The following IREB2 variants were observed in gnomAD, a reference collection of about 807,000 sequenced individuals.
IREB2 encodes iron-responsive element-binding protein 2.
A neutral mutation model predicts 118.8 loss-of-function variants in IREB2; 39 were observed. The observed-to-expected ratio is 0.33, with a 90% CI of 0.25 to 0.43. The LOEUF is 0.43. IREB2 is among the 20% of genes least tolerant of loss of function. The pLI, the probability that IREB2 is intolerant of heterozygous loss-of-function variation, is 1.00. For missense variants in IREB2, 900 were observed against 1,147.3 expected (o/e 0.78, Z 3.11); for synonymous variants, 372 against 392.2 (o/e 0.95, Z 0.61).
intron 10 of IREB2, among the ~76,000 whole-genome samples, chr15:78,478,845 G>A (rs1298092104): frequency 1.3e-5 from 2 of 152,172 alleles, no homozygotes; most frequent in African/African-American, 4.8e-5. Context: ...TGTTAGATAT[G>A]ACAATATCTA....
At chr15:78,438,131 T>C (rs1373336648), upstream of IREB2, 2 of 569,498 alleles carry the variant, frequency 3.5e-6, no homozygotes, top group South Asian at 2.1e-5. Context: ...TTTGTTTTCC[T>C]GTCCGACGAT....
chr15:78,497,065 A>T, intron 20 of IREB2, 61 bp from the exon 21 acceptor site: 1 of 1,375,584 alleles, frequency 7.3e-7, no homozygotes, highest in Non-Finnish European at 1.0e-6. Flanking sequence ...TGCCCCCTTT[A>T]AATGCTCAAT....
chr15:78,491,438 ATGC>A (rs2051748561), intron 18 of IREB2, among the ~76,000 whole-genome samples: 1 of 152,120 alleles, frequency 6.6e-6, no homozygotes, highest in Non-Finnish European at 1.5e-5. Flanking sequence ...TGCTTGTTTG[ATGC>A]TTGAGTAATT....
In IREB2 at chr15:78,438,278, C is replaced by A; in HGVS notation, c.-60C>A. The A allele has an allele frequency of 1.5e-6, 2 of 1,363,596 alleles. No homozygotes were observed. The highest frequency in any genetic ancestry group is 1.2e-5 in the South Asian group (1 of 80,752). 84.5% of individuals were successfully genotyped at this position (1,363,596 alleles called of 1,614,324 possible). A position where few individuals can be genotyped will look rare whatever the true frequency, so the allele number is the denominator to read the frequency against. ...TGTCTTCCTCCCCGTCTTCCCTGCC[C>A]GGCCTCCCCCTTCTTCCCCCGCTGG... On this transcript the variant is annotated 5_prime_UTR_variant, in exon 1 of 22. Transcript: ENST00000258886.
In IREB2 at chr15:78,470,556, A is replaced by G. The variant is rs745636886; in HGVS notation, c.654A>G (p.Gln218=). Residue 218 remains glutamine, a synonymous_variant, in exon 6 of 22, where the codon CAA becomes CAG. Transcript: ENST00000258886. ...VPEPETVLKN[Q]EVEFGRNRER... is the part of the protein sequence containing the mutation. ...GACCTGAAACAGTGTTAAAAAATCA[A>G]GAAGTAGAATTCGGCAGAAATCGAG... The G allele has an allele frequency of 3.1e-6, 5 of 1,596,208 alleles. No homozygotes were observed. Among genetic ancestry groups the G allele is most frequent in the Non-Finnish European group, 4.3e-6 (5 of 1,168,160 alleles).
chr15:78,497,923 CAG>C (rs1216674929), intron 21 of IREB2, 108 bp from the exon 22 acceptor site: 6 of 606,786 alleles, frequency 9.9e-6, no homozygotes, highest in African/African-American at 3.8e-5. Flanking sequence ...ATAAATCAGA[CAG>C]AATCTGTGGC....
chr15:78,473,347 T>C lies in IREB2; in HGVS notation c.989T>C (p.Val330Ala), dbSNP rs371991607. 1.2e-6 allele frequency: 2 copies of C among 1,613,994 alleles called. No homozygotes were observed. Among genetic ancestry groups the C allele is most frequent in the African/African-American group, 2.7e-5 (2 of 75,052 alleles). The change falls in exon 8 of 22, where the codon GTT becomes GCT. Residue 330 changes from valine (V) to alanine (A), a missense_variant. Transcript: ENST00000258886. ...TTAACTGGGTCATCAAACCCTTTTG[T>C]TACATCCATAGATGTTGTTCTTGGT... ...CELTGSSNPF[V>A]TSIDVVLGIT...
At chr15:78,461,631 A>G (rs2051198455) in intron 2 of IREB2, among the ~76,000 whole-genome samples, 2 of 152,194 alleles carry the variant, frequency 1.3e-5, no homozygotes, top group Admixed American at 1.3e-4. Context: ...AATGTAACTC[A>G]CAGGCACAGA....
intron 10 of IREB2, among the ~76,000 whole-genome samples, chr15:78,482,612 T>G (rs1052489431): frequency 2.6e-5 from 4 of 152,138 alleles, no homozygotes; most frequent in African/African-American, 9.7e-5. Context: ...CGTTTACCTC[T>G]GTGATCACAG....
rs1156277800 is a variant in IREB2 at position 78,500,888 on chromosome 15, A to T, written c.*2745A>T. 1 of 152,260 alleles carries T rather than the reference A, an allele frequency of 6.6e-6. No individual in the cohort carries two copies. The highest frequency in any genetic ancestry group is 1.5e-5 in the Non-Finnish European group (1 of 68,044). 9.4% of individuals were successfully genotyped at this position (152,260 alleles called of 1,614,324 possible). ...CTTAGTTTTTCGTTGGTAATCAAAC[A>T]ACAGTTGTACTAAAGGAAAGTAAAG... On this transcript the variant is annotated 3_prime_UTR_variant, in exon 22 of 22. Coordinates refer to ENST00000258886, the MANE Select transcript of IREB2 (RefSeq NM_004136.4).
At chr15:78,477,796 T>G (rs886884189) in intron 9 of IREB2, among the ~76,000 whole-genome samples, 2 of 151,882 alleles carry the variant, frequency 1.3e-5, no homozygotes, top group Non-Finnish European at 2.9e-5. Flanking sequence ...CAGTACAGAC[T>G]TATAGTCCTA....
chr15:78,465,412 G>C, intron 4 of IREB2, 24 bp downstream of exon 4: 1 of 1,591,770 alleles, frequency 6.3e-7, no homozygotes, highest in East Asian at 2.2e-5. Context: ...GATATTTATA[G>C]ACAGCCATGC....
chr15:78,478,199 G>T, intron 9 of IREB2, 98 bp from the exon 10 acceptor site: 2 of 759,504 alleles, frequency 2.6e-6, no homozygotes, highest in Non-Finnish European at 2.2e-6. Flanking sequence ...GCAGCACTGC[G>T]CTCCAGCCTG....
At chr15:78,464,293 T>A (rs1305224030) in intron 3 of IREB2, among the ~76,000 whole-genome samples, 2 of 152,174 alleles carry the variant, frequency 1.3e-5, no homozygotes, top group Non-Finnish European at 2.9e-5. Context: ...TCTGAAAGAT[T>A]TTGCCTGATC....
At chr15:78,476,093 G>C (rs556453343) in intron 8 of IREB2, 95 bp from the exon 9 acceptor site, 1 of 851,118 alleles carries the variant, frequency 1.2e-6, no homozygotes, top group East Asian at 2.5e-5. Context: ...ACCATCACTA[G>C]TATTGGTTAA....
intron 2 of IREB2, 73 bp from the exon 3 acceptor site, chr15:78,462,849 T>C (rs751374518): frequency 1.5e-4 from 180 of 1,201,734 alleles, no homozygotes; most frequent in Admixed American, 2.4e-4. Context: ...GTCTAACTTT[T>C]TGCTATGGCA....
At chr15:78,490,156 T>A (rs2051725266) in intron 16 of IREB2, among the ~76,000 whole-genome samples, 1 of 152,210 alleles carries the variant, frequency 6.6e-6, no homozygotes, top group Admixed American at 6.5e-5. Context: ...CTAATGCCTA[T>A]AATCCCAACC....
Position 78,493,930 on chromosome 15 carries a change from C to T in IREB2, c.2346C>T (p.Asn782=). The change falls in exon 19 of 22, where the codon AAC becomes AAT. Residue 782 remains asparagine, a synonymous_variant. Coordinates refer to ENST00000258886, the MANE Select transcript of IREB2 (RefSeq NM_004136.4). ...TNRGLTPREF[N]SYGARRGNDA... ...GTAGCCTTACCCCTCGTGAATTCAA[C>T]TCTTACGGAGCTCGAAGAGGTAATG... The T allele has an allele frequency of 1.2e-6, 2 of 1,613,696 alleles. No individual in the cohort carries two copies. Among genetic ancestry groups the T allele is most frequent in the Non-Finnish European group, 1.7e-6 (2 of 1,179,856 alleles).
At chr15:78,477,561 T>C (rs758786200) in intron 9 of IREB2, among the ~76,000 whole-genome samples, 1 of 152,178 alleles carries the variant, frequency 6.6e-6, no homozygotes, top group Non-Finnish European at 1.5e-5. Flanking sequence ...TAAATGAATA[T>C]GTAAATAGTA....
Sources: gnomAD v4.1 joint callset for allele counts (sites outside exome capture counted in the v4.1 genomes callset) on GRCh38, gnomAD v4.1.1 for gene constraint, MANE v1.5 for transcripts, NCBI Gene and HGNC (gene_info 2026-07-23, HGNC 2026-07-21) for gene names.